Variants in VPS13D observed in about 807,000 individuals in gnomAD.
The protein encoded by VPS13D is intermembrane lipid transfer protein VPS13D.
VPS13D carries 187 observed loss-of-function variants against 461.9 expected under a neutral mutation model. That is an observed-to-expected ratio of 0.40 (90% CI 0.36 to 0.46). VPS13D has a LOEUF of 0.46. VPS13D is among the 20% of genes least tolerant of loss of function. VPS13D has a pLI of 0.60. For synonymous variants in VPS13D, 1,951 were observed against 1,986.3 expected (o/e 0.98, Z 0.47); for missense variants, 4,711 against 5,364.9 (o/e 0.88, Z 3.81).
At chr1:12,247,076 A>G (rs1640574850) in intron 5 of VPS13D, among the ~76,000 whole-genome samples, 1 of 152,138 alleles carries the variant, frequency 6.6e-6, no homozygotes, top group South Asian at 2.1e-4. Flanking sequence ...AGGCTGCACT[A>G]TTTTACGATA....
intron 2 of VPS13D, among the ~76,000 whole-genome samples, chr1:12,234,589 A>G (rs1256607193): frequency 2.0e-5 from 3 of 152,252 alleles, no homozygotes; most frequent in Non-Finnish European, 4.4e-5. Context: ...CAAAAACAAA[A>G]TAAGCTACAC....
intron 2 of VPS13D, among the ~76,000 whole-genome samples, chr1:12,241,449 G>A (rs1434939407): frequency 1.3e-5 from 2 of 152,134 alleles, no homozygotes; most frequent in African/African-American, 4.8e-5. Context: ...CTTGTGTCTC[G>A]CAAACAATTT....
At position 12,362,624 on chromosome 1, in the gene VPS13D, A is replaced by G. The variant is rs920902343; in HGVS notation, c.10142-96A>G. ...CTGGGTGATACAGTTATTTTCTCAG[A>G]GAAACTAAGTAACTGTGAAGGTTAT... is the stretch of plus-strand genomic sequence containing the variant. On this transcript the variant is annotated intron_variant, in intron 50 of 69. Coordinates refer to ENST00000620676, the MANE Select transcript of VPS13D (RefSeq NM_015378.4). The G allele has an allele frequency of 4.9e-6, 6 of 1,233,950 alleles. No individual in the cohort carries two copies. In the African/African-American group the frequency reaches 7.6e-5, roughly 16 times the overall value. 76.4% of individuals were successfully genotyped at this position (1,233,950 alleles called of 1,614,324 possible). A position where few individuals can be genotyped will look rare whatever the true frequency, so the allele number is the denominator to read the frequency against.
chr1:12,322,616 G>A lies in VPS13D; in HGVS notation c.7785G>A (p.Glu2595=). 1 of 1,614,188 alleles carries A rather than the reference G, an allele frequency of 6.2e-7. No individual in the cohort carries two copies. The highest frequency in any genetic ancestry group is 8.5e-7 in the Non-Finnish European group (1 of 1,180,040). The change falls in exon 34 of 70, where the codon GAG becomes GAA. Residue 2595 remains glutamate, a synonymous_variant. Coordinates refer to ENST00000620676, the MANE Select transcript of VPS13D (RefSeq NM_015378.4). Reference sequence around the variant, plus strand: ...TTGCCATTGCAAAATCCATCCCAGAGCAAGCTAATGCTGCAGTGCCAGACT... The same window carrying A: ...TTGCCATTGCAAAATCCATCCCAGAACAAGCTAATGCTGCAGTGCCAGACT... ...LFLAIAKSIP[E]QANAAVPDSV...
chr1:12,251,913 C>A (rs1393379481), intron 6 of VPS13D, among the ~76,000 whole-genome samples: 1 of 152,170 alleles, frequency 6.6e-6, no homozygotes, highest in African/African-American at 2.4e-5. Flanking sequence ...GACGAGAGGT[C>A]TGAAGTCAAG....
intron 66 of VPS13D, among the ~76,000 whole-genome samples, chr1:12,456,346 A>G (rs1484871641): frequency 6.6e-6 from 1 of 151,916 alleles, no homozygotes; most frequent in Non-Finnish European, 1.5e-5. Context: ...TACTAAGAAT[A>G]CAAAAATTAG....
chr1:12,395,954 TG>T (rs1378764436), intron 60 of VPS13D, among the ~76,000 whole-genome samples: 1 of 141,964 alleles, frequency 7.0e-6, no homozygotes, highest in Non-Finnish European at 1.5e-5. Flanking sequence ...TACCAAAATC[TG>T]TATTAGTCAG....
chr1:12,510,131 G>T lies in VPS13D; in HGVS notation c.*1107G>T, dbSNP rs1036073229. On this transcript the variant is annotated 3_prime_UTR_variant, in exon 70 of 70. Coordinates refer to ENST00000620676, the MANE Select transcript of VPS13D (RefSeq NM_015378.4). ...TGAAATAGGAGTATTAAAAAGCTGC[G>T]TTGGTAAGTTTTTCATGGAACCAAG... is the stretch of plus-strand genomic sequence containing the variant. The T allele has an allele frequency of 6.6e-6, 1 of 152,208 alleles. No homozygotes were observed. Among genetic ancestry groups the T allele is most frequent in the African/African-American group, 2.4e-5 (1 of 41,444 alleles). The allele number at this position is 152,208 out of a possible 1,614,324, so 9.4% of individuals were successfully genotyped here.
intron 38 of VPS13D, 56 bp downstream of exon 38, chr1:12,333,422 T>C (rs1200159330): frequency 1.3e-6 from 2 of 1,595,254 alleles, no homozygotes; most frequent in Non-Finnish European, 1.7e-6. Context: ...AAGTTCTGAG[T>C]CTGGAAGACT....
chr1:12,358,307 C>A, intron 49 of VPS13D, 152 bp from the exon 50 acceptor site: 1 of 1,061,490 alleles, frequency 9.4e-7, no homozygotes, highest in Middle Eastern at 2.2e-4. Context: ...TGAATTTTGT[C>A]ACTGTGCTAG....
chr1:12,261,320 C>T (rs150002866), intron 12 of VPS13D, among the ~76,000 whole-genome samples, 171 bp downstream of exon 12: 10 of 152,304 alleles, frequency 6.6e-5, no homozygotes, highest in Non-Finnish European at 1.5e-4. Flanking sequence ...AACTCTGTGA[C>T]TAAATGTGCG....
intron 60 of VPS13D, among the ~76,000 whole-genome samples, chr1:12,392,475 C>G (rs1166636656): frequency 1.4e-5 from 2 of 142,372 alleles, no homozygotes; most frequent in African/African-American, 5.2e-5. Context: ...GCAAGACTCT[C>G]TCAAAAAAAA....
In VPS13D at chr1:12,314,096, T is replaced by C. The variant is rs1193023789; in HGVS notation, c.6936-19T>C. On this transcript the variant is annotated intron_variant, in intron 29 of 69. Coordinates refer to ENST00000620676, the MANE Select transcript of VPS13D (RefSeq NM_015378.4). ...GAGTTGTGTTTCACATCTTGCTTGC[T>C]TTCTTTTCTCTCTTTTAGATTTGAC... The C allele has an allele frequency of 4.3e-6, 7 of 1,609,858 alleles. No homozygotes were observed. Among genetic ancestry groups the C allele is most frequent in the African/African-American group, 2.7e-5 (2 of 74,874 alleles).
At chr1:12,338,819 AAG>A (rs1643505897) in intron 40 of VPS13D, among the ~76,000 whole-genome samples, 1 of 152,190 alleles carries the variant, frequency 6.6e-6, no homozygotes, top group Admixed American at 6.5e-5. Flanking sequence ...GGAGATAAAA[AAG>A]AAAATTTTCT....
chr1:12,470,210 A>T (rs749651311), intron 67 of VPS13D, among the ~76,000 whole-genome samples: 13 of 152,212 alleles, frequency 8.5e-5, no homozygotes, highest in Non-Finnish European at 1.8e-4. Context: ...GCAAAACCTC[A>T]CTTCTCGTTA....
chr1:12,300,726 AC>A (rs1642402421), intron 25 of VPS13D, among the ~76,000 whole-genome samples: 1 of 152,198 alleles, frequency 6.6e-6, no homozygotes, highest in Non-Finnish European at 1.5e-5. Flanking sequence ...AAATGGAAAC[AC>A]CTAGTAATTC....
At position 12,276,802 on chromosome 1, in the gene VPS13D, C is replaced by T; in HGVS notation, c.3214C>T (p.Leu1072Phe). 6.2e-7 allele frequency: 1 copy of T among 1,614,168 alleles called. No individual in the cohort carries two copies. The highest frequency in any genetic ancestry group is 8.5e-7 in the Non-Finnish European group (1 of 1,180,016). The change falls in exon 19 of 70, where the codon CTT (leucine) becomes TTT (phenylalanine). Residue 1072 changes from leucine (L) to phenylalanine (F), a missense_variant. Physicochemically the swap from Leu to Phe is conservative, Grantham distance 22. Around this residue, in one of 3 missense-constraint regions of VPS13D, gnomAD observed 4,411 missense variants for 4,937.8 expected, o/e 0.89. Coordinates refer to ENST00000620676, the MANE Select transcript of VPS13D (RefSeq NM_015378.4). The surrounding 1 kb of genome is among the most constrained non-coding windows in gnomAD (Gnocchi z 4.5). ...TACTAGTGTTTCACTTGACAAAATTCTTACCAAAGAGCAAGAGTCCCTTAT... is the reference window on the plus strand; with the variant it reads ...TACTAGTGTTTCACTTGACAAAATTTTTACCAAAGAGCAAGAGTCCCTTAT... ...SATSVSLDKILTKEQESLIKL... is the reference protein window; with the variant it reads ...SATSVSLDKIFTKEQESLIKL...
chr1:12,330,836 G>C (rs1268251066), intron 37 of VPS13D, among the ~76,000 whole-genome samples: 2 of 152,176 alleles, frequency 1.3e-5, no homozygotes, highest in Non-Finnish European at 2.9e-5. Context: ...CCAAAGTGGT[G>C]GGATTACAGG....
intron 42 of VPS13D, chr1:12,344,956 G>A (rs1311435747): frequency 6.3e-6 from 1 of 158,762 alleles, no homozygotes; most frequent in East Asian, 1.7e-4. Context: ...GTGGTTCTGA[G>A]CGAATTAGGA....
Sources: allele counts gnomAD v4.1 joint callset (sites outside exome capture counted in the v4.1 genomes callset), GRCh38; gene constraint gnomAD v4.1.1; regional missense constraint gnomAD v4.1.1; non-coding constraint Gnocchi (gnomAD v3.1); transcripts MANE v1.5; gene names NCBI Gene and HGNC (gene_info 2026-07-23, HGNC 2026-07-21).